The following ADARB1 variants were observed in gnomAD, a reference collection of about 807,000 sequenced individuals.
ADARB1 encodes double-stranded RNA-specific editase 1.
In ADARB1, 10 loss-of-function variants were observed where a neutral mutation model predicts 52.4. The observed-to-expected ratio is 0.19, with a 90% CI of 0.12 to 0.32. The LOEUF (loss-of-function observed/expected upper bound fraction) is 0.32. Among genes scored for constraint, ADARB1 ranks in the 10% least tolerant of loss-of-function variants. ADARB1 has a pLI of 1.00. For synonymous variants in ADARB1, 349 were observed against 371.1 expected, an observed-to-expected ratio of 0.94 and a Z score of 0.68; for missense variants, 643 against 922.3, an observed-to-expected ratio of 0.70 and a Z score of 3.92.
intron 2 of ADARB1, among the ~76,000 whole-genome samples, chr21:45,167,093 A>C (rs537590352): frequency 2.6e-5 from 4 of 152,328 alleles, no homozygotes; most frequent in African/African-American, 9.6e-5. Flanking sequence ...CAAAACTGAA[A>C]ACGTTGGCTT....
At chr21:45,153,410 C>T (rs931993970) in intron 2 of ADARB1, among the ~76,000 whole-genome samples, 1 of 151,808 alleles carries the variant, frequency 6.6e-6, no homozygotes, top group African/African-American at 2.4e-5. Flanking sequence ...ATGTGTCTAG[C>T]CCGGAGAACA....
Position 45,200,404 on chromosome 21 carries a change from G to A in ADARB1, c.1566-4151G>A, listed in dbSNP as rs918465966. Among the ~76,000 whole-genome samples, 4 of 152,190 alleles carry A rather than the reference G, an allele frequency of 2.6e-5. No individual in the cohort carries two copies. The highest frequency in any genetic ancestry group is 7.2e-5 in the African/African-American group (3 of 41,432). ...TGGCGCGGGAGCCGTGGGAAGGAAC[G>A]AGAGTCTTGGTTCAGATGACCTCGG... On this transcript the variant is annotated intron_variant, in intron 8 of 10. Coordinates refer to ENST00000348831, the MANE Select transcript of ADARB1 (RefSeq NM_001112.4). The surrounding 1 kb of genome is among the most constrained non-coding windows in gnomAD (Gnocchi z 5.0).
intron 8 of ADARB1, among the ~76,000 whole-genome samples, chr21:45,198,563 G>A (rs2092479569): frequency 6.6e-6 from 1 of 150,832 alleles, no homozygotes; most frequent in African/African-American, 2.4e-5. Flanking sequence ...ATAGAAGGAA[G>A]GAGAGTCTGT....
intron 3 of ADARB1, 24 bp downstream of exon 3, chr21:45,171,708 G>A: frequency 6.3e-7 from 1 of 1,587,904 alleles, no homozygotes; most frequent in Non-Finnish European, 8.6e-7. Context: ...CTATCACGTA[G>A]TATCAGATAG....
intron 1 of ADARB1, among the ~76,000 whole-genome samples, chr21:45,111,053 G>A (rs927452656): frequency 2.6e-5 from 4 of 152,144 alleles, no homozygotes; most frequent in Non-Finnish European, 5.9e-5. Context: ...GTTGAGAAGC[G>A]TTACGCAAGC....
chr21:45,086,495 C>T (rs1427961546), intron 1 of ADARB1, among the ~76,000 whole-genome samples: 1 of 152,200 alleles, frequency 6.6e-6, no homozygotes, highest in African/African-American at 2.4e-5. Context: ...TTGATTCGCG[C>T]ACCCAGCCCA....
At position 45,208,844 on chromosome 21, in the gene ADARB1, G is replaced by A. The variant is rs557389430; in HGVS notation, c.1747+4108G>A. Among the ~76,000 whole-genome samples, 9 of 152,226 alleles carry A rather than the reference G, an allele frequency of 5.9e-5. No homozygotes were observed. The highest frequency in any genetic ancestry group is 7.4e-5 in the Non-Finnish European group (5 of 68,016). On this transcript the variant is annotated intron_variant, in intron 9 of 10. Transcript: ENST00000348831. This position sits in a 1 kb window ranked among gnomAD's most constrained non-coding sequence, Gnocchi z 5.6. ...GCCCTGGTTTCTAGGAGGAGTGAAC[G>A]TGCCATGAGTCATTGTAGAAGAGAA...
At position 45,200,868 on chromosome 21, in the gene ADARB1, C is replaced by G. The variant is rs1199348733; in HGVS notation, c.1566-3687C>G. On this transcript the variant is annotated intron_variant, in intron 8 of 10. Coordinates refer to ENST00000348831, the MANE Select transcript of ADARB1 (RefSeq NM_001112.4). The surrounding 1 kb of genome is among the most constrained non-coding windows in gnomAD (Gnocchi z 5.0). ...GGCCGACGTCTGTCTGCAGCTCAGT[C>G]TCTCAGGCCGGGCCCTTTACTGAAT... Among the ~76,000 whole-genome samples, 4 of 152,190 alleles carry G rather than the reference C, an allele frequency of 2.6e-5. No homozygotes were observed. Among genetic ancestry groups the G allele is most frequent in the African/African-American group, 7.2e-5 (3 of 41,432 alleles).
chr21:45,099,670 T>C (rs992030913), intron 1 of ADARB1, among the ~76,000 whole-genome samples: 2 of 152,214 alleles, frequency 1.3e-5, no homozygotes, highest in Non-Finnish European at 2.9e-5. Flanking sequence ...TTACAATTTA[T>C]GTTAAAATAT....
intron 1 of ADARB1, among the ~76,000 whole-genome samples, chr21:45,124,787 A>ATGTG (rs56113860): frequency 0.21 from 27,845 of 135,538 alleles, 2,756 homozygotes; most frequent in African/African-American, 0.26. Context: ...GTGTGTGTGT[A>ATGTG]TGTGTGTGTG....
intron 1 of ADARB1, among the ~76,000 whole-genome samples, chr21:45,110,486 T>C (rs2087484228): frequency 6.6e-6 from 1 of 152,344 alleles, no homozygotes; most frequent in East Asian, 1.9e-4. Flanking sequence ...GTTTGCCCTT[T>C]GTTTTTCACT....
intron 2 of ADARB1, chr21:45,134,746 C>CA: frequency 1.9e-6 from 1 of 529,662 alleles, no homozygotes; most frequent in Non-Finnish European, 3.9e-6. Flanking sequence ...AGCACACCCT[C>CA]ATTCATCCAG....
chr21:45,176,381 C>T lies in ADARB1; in HGVS notation c.680C>T (p.Pro227Leu). ...CAGCCTCCTCTCCCTGTCTTACCAC[C>T]ATTCCCACCCCCGAGTGGGAAGAAT... is the stretch of plus-strand genomic sequence containing the variant. ...LAQPPLPVLP[P>L]FPPPSGKNPV... The change falls in exon 4 of 11, where the codon CCA (proline) becomes CTA (leucine). Residue 227 changes from proline to leucine, a missense_variant. This residue lies in a region of ADARB1 where 380 missense variants were observed against 446.5 expected (regional missense o/e 0.85). Coordinates refer to ENST00000348831, the MANE Select transcript of ADARB1 (RefSeq NM_001112.4). This position sits in a 1 kb window ranked among gnomAD's most constrained non-coding sequence, Gnocchi z 5.8. 2 of 1,614,216 alleles carry T rather than the reference C, an allele frequency of 1.2e-6. No individual in the cohort carries two copies. The highest frequency in any genetic ancestry group is 1.7e-6 in the Non-Finnish European group (2 of 1,180,036).
intron 8 of ADARB1, among the ~76,000 whole-genome samples, chr21:45,185,508 T>A (rs1197220447): frequency 6.6e-6 from 1 of 152,190 alleles, no homozygotes; most frequent in Non-Finnish European, 1.5e-5. Context: ...ATTTTAAAAG[T>A]AATGCAAACC....
intron 2 of ADARB1, chr21:45,145,460 C>G (rs1448373623): frequency 6.6e-6 from 1 of 152,360 alleles, no homozygotes; most frequent in African/African-American, 2.4e-5. Context: ...CTACCAGGCC[C>G]TGGGGTGATT....
chr21:45,218,351 T>C (rs1383208899), intron 9 of ADARB1, among the ~76,000 whole-genome samples: 1 of 152,264 alleles, frequency 6.6e-6, no homozygotes, highest in Non-Finnish European at 1.5e-5. Flanking sequence ...GTATTTTTTA[T>C]CTAATACATT....
chr21:45,185,723 G>A (rs1401032191), intron 8 of ADARB1, among the ~76,000 whole-genome samples: 7 of 152,020 alleles, frequency 4.6e-5, no homozygotes, highest in Admixed American at 6.5e-5. Context: ...GTAGTTCTTT[G>A]TTTTCATTTT....
chr21:45,162,830 A>G (rs1261689377), intron 2 of ADARB1, among the ~76,000 whole-genome samples: 1 of 152,234 alleles, frequency 6.6e-6, no homozygotes, highest in Non-Finnish European at 1.5e-5. Context: ...CCCAGGTTGG[A>G]GAGCTCAAAG....
chr21:45,075,378 G>A (rs559530238), intron 1 of ADARB1, among the ~76,000 whole-genome samples: 98 of 151,992 alleles, frequency 6.4e-4, no homozygotes, highest in African/African-American at 2.1e-3. Context: ...CCCGGGCAGG[G>A]GAGGCTGCCT....
Sources: gnomAD v4.1 joint callset for allele counts (sites outside exome capture counted in the v4.1 genomes callset) on GRCh38, gnomAD v4.1.1 for gene constraint, gnomAD v4.1.1 regional missense constraint, Gnocchi (gnomAD v3.1) non-coding constraint, MANE v1.5 for transcripts, NCBI Gene and HGNC (gene_info 2026-07-23, HGNC 2026-07-21) for gene names.